BLZF1: variants seen among roughly 807,000 people sequenced by gnomAD.
BLZF1 encodes golgin-45.
In BLZF1, 39 loss-of-function variants were observed where a neutral mutation model predicts 43.8. That is an observed-to-expected ratio of 0.89 (90% CI 0.69 to 1.16). The LOEUF is 1.16. Among genes scored for constraint, BLZF1 ranks in the 50% most tolerant of loss-of-function variants. BLZF1 has a pLI of 0.00. For missense variants in BLZF1, 449 were observed against 469.8 expected (o/e 0.96, Z 0.41); for synonymous variants, 136 against 159.4 (o/e 0.85, Z 1.11).
At position 169,378,434 on chromosome 1, in the gene BLZF1, T is replaced by C. The variant is rs1186864233; in HGVS notation, c.573T>C (p.Asn191=). ...AREKNQLILE[N]EALGRNTAQL... ...AGAAAAATCAGCTTATTTTAGAAAA[T>C]GAAGCCCTAGGTCGAAACACAGCTC... Residue 191 remains asparagine (N), a synonymous_variant, in exon 4 of 7, where the codon AAT becomes AAC. Coordinates refer to ENST00000367808, the MANE Select transcript of BLZF1 (RefSeq NM_001320973.2). 6.2e-7 allele frequency: 1 copy of C among 1,612,986 alleles called. No homozygotes were observed. The highest frequency in any genetic ancestry group is 1.1e-5 in the South Asian group (1 of 91,054).
intron 6 of BLZF1, among the ~76,000 whole-genome samples, chr1:169,385,630 C>T (rs1354857483): frequency 6.6e-6 from 1 of 152,110 alleles, no homozygotes; most frequent in African/African-American, 2.4e-5. Context: ...TAAGGTAAGC[C>T]CTTCATCTTT....
intron 6 of BLZF1, among the ~76,000 whole-genome samples, chr1:169,384,942 C>G (rs1381771914): frequency 6.6e-6 from 1 of 152,190 alleles, no homozygotes; most frequent in African/African-American, 2.4e-5. Context: ...AAGTGCTCAG[C>G]TATTTACTGA....
chr1:169,374,747 T>G (rs978959336), intron 2 of BLZF1, among the ~76,000 whole-genome samples: 57 of 152,168 alleles, frequency 3.7e-4, no homozygotes, highest in African/African-American at 1.2e-3. Flanking sequence ...GTCAGAATTG[T>G]ATTTTATGGC....
rs992321460 is a variant in BLZF1, at chr1:169,387,804, A to G, written c.*622A>G. 1 of 152,246 alleles carries G rather than the reference A, an allele frequency of 6.6e-6. No individual in the cohort carries two copies. Among genetic ancestry groups the G allele is most frequent in the Non-Finnish European group, 1.5e-5 (1 of 68,048 alleles). 9.4% of individuals were successfully genotyped at this position (152,246 alleles called of 1,614,324 possible). A position where few individuals can be genotyped will look rare whatever the true frequency, so the allele number is the denominator to read the frequency against. ...TTAATCTTTTAAAAATAAATGCTAT[A>G]TATTAGGAAAATAAAAAATATTTTA... is the stretch of plus-strand genomic sequence containing the variant. On this transcript the variant is annotated 3_prime_UTR_variant, in exon 7 of 7. Transcript: ENST00000367808.
intron 1 of BLZF1, among the ~76,000 whole-genome samples, 163 bp from the exon 2 acceptor site, chr1:169,369,310 A>G (rs992778868): frequency 7.9e-5 from 12 of 152,072 alleles, no homozygotes; most frequent in Admixed American, 5.9e-4. Flanking sequence ...TTTAGTAGAC[A>G]TAACAATGCC....
chr1:169,369,244 G>A (rs1654015421), intron 1 of BLZF1, among the ~76,000 whole-genome samples: 1 of 151,388 alleles, frequency 6.6e-6, no homozygotes, highest in South Asian at 2.1e-4. Flanking sequence ...TATTGGTGAG[G>A]ATGGTGAAAC....
At chr1:169,389,362 A>G (rs1434803713), downstream of BLZF1, among the ~76,000 whole-genome samples, 1 of 152,200 alleles carries the variant, frequency 6.6e-6, no homozygotes, top group Non-Finnish European at 1.5e-5. Context: ...AAGGATATAT[A>G]GATGGCCAAT....
intron 4 of BLZF1, 70 bp from the exon 5 acceptor site, chr1:169,380,411 G>A: frequency 7.1e-7 from 1 of 1,400,282 alleles, no homozygotes; most frequent in Middle Eastern, 1.9e-4. Flanking sequence ...CAGTCACAAA[G>A]TAGTATATTC....
intron 6 of BLZF1, among the ~76,000 whole-genome samples, chr1:169,385,192 C>T (rs548316926): frequency 1.2e-4 from 18 of 152,286 alleles, no homozygotes; most frequent in African/African-American, 4.1e-4. Flanking sequence ...ATCCTCAGGG[C>T]TTGATTTAGA....
chr1:169,378,483 A>G lies in BLZF1; in HGVS notation c.622A>G (p.Met208Val). 1 of 1,612,894 alleles carries G rather than the reference A, an allele frequency of 6.2e-7. No individual in the cohort carries two copies. The highest frequency in any genetic ancestry group is 8.5e-7 in the Non-Finnish European group (1 of 1,179,090). The change falls in exon 4 of 7, where the codon ATG (methionine) becomes GTG (valine). Residue 208 changes from methionine (M) to valine (V), a missense_variant. Coordinates refer to ENST00000367808, the MANE Select transcript of BLZF1 (RefSeq NM_001320973.2). ...TCAGCTTTCTGAACAGTTAGAACGT[A>G]TGTCAATACAGTGTGATGTATGGCG... ...TAQLSEQLER[M>V]SIQCDVWRSK... is the part of the protein sequence containing the mutation.
intron 6 of BLZF1, among the ~76,000 whole-genome samples, chr1:169,386,551 C>T (rs1266530654): frequency 2.0e-5 from 3 of 151,658 alleles, no homozygotes; most frequent in Non-Finnish European, 4.4e-5. Context: ...TGGTGGCGGG[C>T]GCCTATAGTC....
chr1:169,368,733 CTG>C (rs1357199210), intron 1 of BLZF1, among the ~76,000 whole-genome samples: 3 of 152,054 alleles, frequency 2.0e-5, no homozygotes, highest in Non-Finnish European at 4.4e-5. Context: ...AAGTTTGTGA[CTG>C]TTAAGAAAGT....
chr1:169,373,133 C>T (rs1654180987), intron 2 of BLZF1, among the ~76,000 whole-genome samples: 1 of 151,972 alleles, frequency 6.6e-6, no homozygotes, highest in African/African-American at 2.4e-5. Context: ...TTGCCAGCTC[C>T]CATCCTAGAA....
At chr1:169,369,406 TA>T in intron 1 of BLZF1, 66 bp from the exon 2 acceptor site, 1 of 767,112 alleles carries the variant, frequency 1.3e-6, no homozygotes. Flanking sequence ...TCATAACTTT[TA>T]AATTGGAGGT....
intron 2 of BLZF1, among the ~76,000 whole-genome samples, chr1:169,373,522 C>T (rs1201436798): frequency 1.3e-5 from 2 of 152,156 alleles, no homozygotes; most frequent in East Asian, 3.9e-4. Context: ...AAATGTTAAG[C>T]CCTGGCTCTT....
At chr1:169,378,924 T>C (rs1039512400) in intron 4 of BLZF1, among the ~76,000 whole-genome samples, 4 of 152,010 alleles carry the variant, frequency 2.6e-5, no homozygotes, top group African/African-American at 7.2e-5. Flanking sequence ...CTTTTAACTA[T>C]ATAATAAAGC....
intron 7 of BLZF1, among the ~76,000 whole-genome samples, chr1:169,395,502 T>G (rs1654969772): frequency 6.6e-6 from 1 of 152,214 alleles, no homozygotes; most frequent in Admixed American, 6.5e-5. Context: ...GATCCTATTC[T>G]TTTTTTAGAA....
chr1:169,394,940 T>A, intron 7 of BLZF1: 2 of 1,038,726 alleles, frequency 1.9e-6, no homozygotes, highest in East Asian at 5.4e-5. Flanking sequence ...CAATAAAAGA[T>A]AAATACCATT....
In BLZF1 at chr1:169,382,288, T is replaced by C; in HGVS notation, c.1017+7T>C. ...TGAGAAAATGGCTGAAACGGTAAAATATTTTCTTTTGTGATCTATGGAACT... is the reference window on the plus strand; with the variant it reads ...TGAGAAAATGGCTGAAACGGTAAAACATTTTCTTTTGTGATCTATGGAACT... On this transcript the variant is annotated splice_region_variant and intron_variant, in intron 6 of 6. Coordinates refer to ENST00000367808, the MANE Select transcript of BLZF1 (RefSeq NM_001320973.2). 6.2e-7 allele frequency: 1 copy of C among 1,610,100 alleles called. No homozygotes were observed. Among genetic ancestry groups the C allele is most frequent in the Admixed American group, 1.7e-5 (1 of 59,812 alleles).
Sources: allele counts gnomAD v4.1 joint callset (sites outside exome capture counted in the v4.1 genomes callset), GRCh38; gene constraint gnomAD v4.1.1; transcripts MANE v1.5; gene names NCBI Gene and HGNC (gene_info 2026-07-23, HGNC 2026-07-21).